WDR49: variants seen among roughly 807,000 people sequenced by gnomAD.
The protein encoded by WDR49 is WD repeat domain 49, also known as cilia- and flagella-associated protein 337.
A neutral mutation model predicts 119.5 loss-of-function variants in WDR49; 107 were observed. That is an observed-to-expected ratio of 0.90 (90% CI 0.77 to 1.05). WDR49 has a LOEUF of 1.05. Ranked by LOEUF, WDR49 falls within the 50% of genes least tolerant of loss-of-function variation. The pLI, the probability that WDR49 is intolerant of heterozygous loss-of-function variation, is 0.00. For synonymous variants in WDR49, 425 were observed against 418.8 expected, an observed-to-expected ratio of 1.01 and a Z score of -0.18; for missense variants, 1,240 against 1,220.5, an observed-to-expected ratio of 1.02 and a Z score of -0.24.
At chr3:167,588,930 A>G (rs1275643566) in intron 7 of WDR49, among the ~76,000 whole-genome samples, 1 of 152,052 alleles carries the variant, frequency 6.6e-6, no homozygotes, top group East Asian at 1.9e-4. Context: ...GCGCAGAAGC[A>G]TTTTAACTTA....
intron 7 of WDR49, among the ~76,000 whole-genome samples, chr3:167,590,628 G>C (rs1171742507): frequency 1.3e-5 from 2 of 151,906 alleles, no homozygotes; most frequent in Non-Finnish European, 2.9e-5. Flanking sequence ...GTTCAATCTT[G>C]GTAGTTCGTA....
At chr3:167,567,626 C>T (rs114649977) in intron 8 of WDR49, among the ~76,000 whole-genome samples, 15 of 152,266 alleles carry the variant, frequency 9.9e-5, no homozygotes, top group East Asian at 9.7e-4. Context: ...ATAGCATTGA[C>T]GGTCCTTTTC....
chr3:167,534,608 C>T (rs768174904), intron 11 of WDR49, among the ~76,000 whole-genome samples: 1 of 152,050 alleles, frequency 6.6e-6, no homozygotes, highest in Non-Finnish European at 1.5e-5. Flanking sequence ...TTCATAGATA[C>T]CCTGGATCTT....
chr3:167,652,651 T>C (rs1034024941), intron 2 of WDR49, among the ~76,000 whole-genome samples: 1 of 152,220 alleles, frequency 6.6e-6, no homozygotes, highest in Non-Finnish European at 1.5e-5. Flanking sequence ...TAAATTCCTA[T>C]GGTTTATTTT....
chr3:167,619,017 C>T (rs1005674388), intron 5 of WDR49, among the ~76,000 whole-genome samples: 8 of 152,100 alleles, frequency 5.3e-5, no homozygotes, highest in South Asian at 2.1e-4. Context: ...AATGCATCAT[C>T]GGAAAAGACA....
intron 16 of WDR49, among the ~76,000 whole-genome samples, chr3:167,520,680 G>T (rs1380600671): frequency 6.6e-6 from 1 of 152,138 alleles, no homozygotes; most frequent in East Asian, 1.9e-4. Flanking sequence ...GTCAGCGGAG[G>T]TTCAAAAAGT....
At chr3:167,590,035 TC>T (rs1276811882) in intron 7 of WDR49, among the ~76,000 whole-genome samples, 1 of 152,124 alleles carries the variant, frequency 6.6e-6, no homozygotes, top group African/African-American at 2.4e-5. Flanking sequence ...TAGCTGTTGG[TC>T]TTTTATATAT....
At chr3:167,505,992 G>T (rs1751755503) in intron 16 of WDR49, among the ~76,000 whole-genome samples, 1 of 152,104 alleles carries the variant, frequency 6.6e-6, no homozygotes, top group African/African-American at 2.4e-5. Flanking sequence ...AATAGAAAAT[G>T]ATCTCAAATC....
At chr3:167,630,824 G>C (rs905707248) in intron 2 of WDR49, among the ~76,000 whole-genome samples, 4 of 152,038 alleles carry the variant, frequency 2.6e-5, no homozygotes, top group Non-Finnish European at 5.9e-5. Context: ...TCTGTTGAAA[G>C]ACATCTTATT....
At chr3:167,482,565 G>C (rs954367152) in intron 18 of WDR49, among the ~76,000 whole-genome samples, 9 of 151,420 alleles carry the variant, frequency 5.9e-5, no homozygotes, top group African/African-American at 9.7e-5. Flanking sequence ...TGTGGTCCCA[G>C]CTACTCGGGA....
At chr3:167,559,997 C>A in intron 9 of WDR49, 67 bp downstream of exon 9, 4 of 1,544,708 alleles carry the variant, frequency 2.6e-6, no homozygotes, top group Non-Finnish European at 3.5e-6. Flanking sequence ...ATATCTATAG[C>A]CATGTCTTCT....
Position 167,529,077 on chromosome 3 carries a change from C to A in WDR49, c.2381G>T (p.Gly794Val). ...CTCTATATTCCAGATTTTCAACCAT[C>A]CATCAAGATCTCCTGTGGTAAGGTA... Reference protein sequence around the residue: ...NRYLTTGDLDGWLKIWNIEEY... With the variant: ...NRYLTTGDLDVWLKIWNIEEY... Residue 794 changes from glycine (G) to valine (V), a missense_variant, in exon 14 of 19, where the codon GGA (glycine) becomes GTA (valine). By Grantham distance (109) the Gly-to-Val change is moderately radical. Coordinates refer to ENST00000682715, the MANE Select transcript of WDR49 (RefSeq NM_001366157.1). 1 of 1,585,508 alleles carries A rather than the reference C, an allele frequency of 6.3e-7. No individual in the cohort carries two copies. The highest frequency in any genetic ancestry group is 8.5e-7 in the Non-Finnish European group (1 of 1,170,440).
intron 15 of WDR49, 70 bp from the exon 16 acceptor site, chr3:167,522,554 C>T: frequency 6.7e-7 from 1 of 1,486,614 alleles, no homozygotes; most frequent in Non-Finnish European, 9.0e-7. Flanking sequence ...CGTGTGTTTA[C>T]CATGTGCTGG....
intron 2 of WDR49, among the ~76,000 whole-genome samples, chr3:167,650,995 G>T (rs1045891675): frequency 6.6e-6 from 1 of 152,122 alleles, no homozygotes; most frequent in Non-Finnish European, 1.5e-5. Context: ...AACACTGCAT[G>T]ATTCTGATCC....
At chr3:167,530,346 T>C (rs1359996517) in intron 13 of WDR49, among the ~76,000 whole-genome samples, 1 of 152,134 alleles carries the variant, frequency 6.6e-6, no homozygotes, top group Non-Finnish European at 1.5e-5. Flanking sequence ...AAGATACGAT[T>C]GTTATTTTAG....
At chr3:167,505,010 C>T (rs921424610) in intron 17 of WDR49, among the ~76,000 whole-genome samples, 27 of 152,314 alleles carry the variant, frequency 1.8e-4, no homozygotes, top group African/African-American at 6.5e-4. Flanking sequence ...GCCAATTAAA[C>T]CTTTTTCTTT....
intron 8 of WDR49, chr3:167,575,243 A>T: frequency 1.0e-6 from 1 of 985,950 alleles, no homozygotes; most frequent in Non-Finnish European, 1.2e-6. Context: ...CCCCACACTG[A>T]GCTCACTGGC....
At chr3:167,510,242 G>T (rs994133991) in intron 16 of WDR49, among the ~76,000 whole-genome samples, 2 of 152,136 alleles carry the variant, frequency 1.3e-5, no homozygotes, top group Admixed American at 1.3e-4. Flanking sequence ...AATGAGCTGG[G>T]CATGGTGGCA....
intron 18 of WDR49, among the ~76,000 whole-genome samples, chr3:167,496,580 C>T (rs1177489293): frequency 6.6e-6 from 1 of 152,064 alleles, no homozygotes; most frequent in African/African-American, 2.4e-5. Context: ...GGATGCAGTA[C>T]TTATCTCTAC....
Sources: allele counts gnomAD v4.1 joint callset (sites outside exome capture counted in the v4.1 genomes callset), GRCh38; gene constraint gnomAD v4.1.1; transcripts MANE v1.5; gene names NCBI Gene and HGNC (gene_info 2026-07-23, HGNC 2026-07-21).